Variants in CLVS1 observed in about 807,000 individuals in gnomAD.
The protein encoded by CLVS1 is clavesin 1, also known as clavesin-1.
A neutral mutation model predicts 33.1 loss-of-function variants in CLVS1; 10 were observed. The observed-to-expected ratio is 0.30, with a 90% confidence interval of 0.19 to 0.51. The LOEUF is 0.51. Among genes scored for constraint, CLVS1 ranks in the 20% least tolerant of loss-of-function variants. The pLI is 0.97. For synonymous variants in CLVS1, 163 were observed against 166.1 expected (o/e 0.98, Z 0.14); for missense variants, 343 against 433.4 (o/e 0.79, Z 1.85).
At chr8:61,115,109 G>C (rs936484536) in intron 1 of CLVS1, among the ~76,000 whole-genome samples, 1 of 152,102 alleles carries the variant, frequency 6.6e-6, no homozygotes, top group Admixed American at 6.5e-5. Flanking sequence ...TAGTGTTCAA[G>C]GGCAAAAATT....
chr8:61,417,968 C>T (rs995668958), intron 3 of CLVS1, among the ~76,000 whole-genome samples: 3 of 152,214 alleles, frequency 2.0e-5, no homozygotes, highest in Non-Finnish European at 2.9e-5. Flanking sequence ...TTTCATGTTG[C>T]TTTGGTACAC....
intron 3 of CLVS1, among the ~76,000 whole-genome samples, chr8:61,385,593 A>G (rs184616364): frequency 7.1e-4 from 108 of 152,368 alleles, no homozygotes; most frequent in African/African-American, 2.5e-3. Context: ...TAACAGGACA[A>G]TTCTCTGTAT....
intron 3 of CLVS1, among the ~76,000 whole-genome samples, chr8:61,435,420 G>A (rs141669220): frequency 2.3e-3 from 346 of 152,126 alleles, no homozygotes; most frequent in African/African-American, 8.0e-3. Flanking sequence ...TCTCCTTAGG[G>A]CCATAGTCAG....
chr8:61,165,061 A>T (rs1806830481), intron 2 of CLVS1, among the ~76,000 whole-genome samples: 1 of 152,236 alleles, frequency 6.6e-6, no homozygotes, highest in Admixed American at 6.5e-5. Context: ...ACGGAAGAGA[A>T]CTGTGGAACC....
At chr8:61,136,556 C>T (rs1229334529) in intron 2 of CLVS1, among the ~76,000 whole-genome samples, 3 of 152,148 alleles carry the variant, frequency 2.0e-5, no homozygotes, top group African/African-American at 7.2e-5. Context: ...AGCTGGAGGC[C>T]ATTATCCTTA....
intron 2 of CLVS1, among the ~76,000 whole-genome samples, chr8:61,139,321 G>A (rs908849973): frequency 1.3e-5 from 2 of 152,250 alleles, no homozygotes; most frequent in Non-Finnish European, 2.9e-5. Flanking sequence ...ACTCCCCCGG[G>A]AACCCTTTCT....
chr8:61,391,329 A>G (rs983360720), intron 3 of CLVS1: 3 of 152,228 alleles, frequency 2.0e-5, no homozygotes, highest in Admixed American at 6.5e-5. Context: ...AATTGTTAGC[A>G]GTATAGGTGG....
At chr8:61,022,676 G>A in the CLVS1 span, among the ~76,000 whole-genome samples, 2 of 152,204 alleles carry the variant, frequency 1.3e-5, no homozygotes, top group African/African-American at 2.4e-5. Context: ...GAGCAGCCAT[G>A]TGTTGATTTT....
chr8:60,967,256 G>GA, the CLVS1 span, among the ~76,000 whole-genome samples: 2,841 of 152,286 alleles, frequency 0.019, 103 homozygotes, highest in African/African-American at 0.065. Context: ...ACTTACATAT[G>GA]AAACAAGAGC....
At chr8:61,195,744 G>C (rs185797196) in intron 2 of CLVS1, among the ~76,000 whole-genome samples, 1 of 152,082 alleles carries the variant, frequency 6.6e-6, no homozygotes, top group East Asian at 1.9e-4. Flanking sequence ...TTAAAAAAGG[G>C]GGAAAAGTGA....
Position 61,209,307 on chromosome 8 carries a change from G to T in CLVS1, c.-152+77447G>T, listed in dbSNP as rs183419203. ...TGGAGGCTGCAGTGTTGGCTGCCCA[G>T]GCTGAATTGCCTCCAACTTAGAGAG... On this transcript the variant is annotated intron_variant, in intron 2 of 2. Coordinates refer to the CLVS1 transcript ENST00000522621. Among the ~76,000 whole-genome samples the T allele has an allele frequency of 8.8e-4, 134 of 152,296 alleles. 1 individual carries two copies. Among genetic ancestry groups the T allele is most frequent in the Admixed American group, 3.1e-3 (48 of 15,292 alleles).
intron 1 of CLVS1, among the ~76,000 whole-genome samples, chr8:61,117,522 T>G (rs1332976022): frequency 3.0e-4 from 45 of 150,354 alleles, no homozygotes; most frequent in African/African-American, 1.1e-3. Context: ...CATAGATAGC[T>G]CTTATTATTT....
At chr8:61,160,108 T>G (rs11778433) in intron 2 of CLVS1, among the ~76,000 whole-genome samples, 5,192 of 152,298 alleles carry the variant, frequency 0.034, 95 homozygotes, top group Middle Eastern at 0.041. Flanking sequence ...GCTTCTCTGC[T>G]GAAGAAACAG....
At chr8:61,429,016 A>G (rs77630215) in intron 3 of CLVS1, among the ~76,000 whole-genome samples, 1,574 of 152,256 alleles carry the variant, frequency 0.01, 22 homozygotes, top group African/African-American at 0.035. Flanking sequence ...TAATTTATAC[A>G]CGGTAGAAAT....
chr8:61,389,284 A>C (rs1814206698), intron 3 of CLVS1, among the ~76,000 whole-genome samples: 1 of 152,222 alleles, frequency 6.6e-6, no homozygotes, highest in African/African-American at 2.4e-5. Flanking sequence ...TCACACCTGT[A>C]ATCCCAGCCC....
chr8:61,102,458 C>A (rs1226025247), intron 1 of CLVS1, among the ~76,000 whole-genome samples: 1 of 152,176 alleles, frequency 6.6e-6, no homozygotes, highest in East Asian at 1.9e-4. Context: ...TTGCATCCTG[C>A]AACCTTGTTG....
At chr8:61,480,057 C>A (rs1818125254) in intron 5 of CLVS1, among the ~76,000 whole-genome samples, 1 of 152,250 alleles carries the variant, frequency 6.6e-6, no homozygotes. Context: ...GGCAGTCTGC[C>A]CGTTCTCAGA....
chr8:61,013,561 A>G, the CLVS1 span, among the ~76,000 whole-genome samples: 3 of 152,318 alleles, frequency 2.0e-5, no homozygotes, highest in South Asian at 4.1e-4. Context: ...CTGATTTTTG[A>G]GTGGGGTGAA....
chr8:61,143,326 C>T (rs1032885796), intron 2 of CLVS1, among the ~76,000 whole-genome samples: 1 of 152,196 alleles, frequency 6.6e-6, no homozygotes, highest in African/African-American at 2.4e-5. Context: ...TGGTCCAGCT[C>T]ATTCAAGCAA....
Sources: gnomAD v4.1 joint callset for allele counts (sites outside exome capture counted in the v4.1 genomes callset) on GRCh38, gnomAD v4.1.1 for gene constraint, MANE v1.5 for transcripts, NCBI Gene and HGNC (gene_info 2026-07-23, HGNC 2026-07-21) for gene names.